The following ADAMDEC1 variants were observed in gnomAD, a reference collection of about 807,000 sequenced individuals.
ADAMDEC1 encodes ADAM DEC1.
A neutral mutation model predicts 60.4 loss-of-function variants in ADAMDEC1; 62 were observed. That is an observed-to-expected ratio of 1.03 (90% CI 0.84 to 1.27). The LOEUF (loss-of-function observed/expected upper bound fraction) is 1.27. Ranked by LOEUF, ADAMDEC1 falls within the 50% of genes most tolerant of loss-of-function variation. ADAMDEC1 has a pLI of 0.00. For synonymous variants in ADAMDEC1, 210 were observed against 195.1 expected (o/e 1.08, Z -0.64); for missense variants, 595 against 565.0 (o/e 1.05, Z -0.54).
At chr8:24,396,262 G>A (rs1817607576) in intron 5 of ADAMDEC1, among the ~76,000 whole-genome samples, 1 of 152,212 alleles carries the variant, frequency 6.6e-6, no homozygotes, top group African/African-American at 2.4e-5. Flanking sequence ...TGTAATCCCA[G>A]CACTTTGGGA....
At position 24,393,271 on chromosome 8, in the gene ADAMDEC1, G is replaced by A. The variant is rs760760973; in HGVS notation, c.217G>A (p.Glu73Lys). ...TEKHGKEERY[E>K]PEVQYQMILN... ...AATTAAATGTTTTCAGGAAAGGTAT[G>A]AACCTGAAGTTCAATATCAGATGAT... The change falls in exon 3 of 14, where the codon GAA (glutamate) becomes AAA (lysine). Residue 73 changes from glutamate (E) to lysine (K), a missense_variant. Physicochemically the swap from Glu to Lys is moderately conservative, Grantham distance 56. Coordinates refer to ENST00000256412, the MANE Select transcript of ADAMDEC1 (RefSeq NM_014479.3). 3.1e-6 allele frequency: 5 copies of A among 1,593,550 alleles called. No homozygotes were observed. Among genetic ancestry groups the A allele is most frequent in the Non-Finnish European group, 1.7e-6 (2 of 1,167,868 alleles).
intron 11 of ADAMDEC1, 101 bp from the exon 12 acceptor site, chr8:24,401,814 T>C (rs1817772412): frequency 2.8e-6 from 3 of 1,053,506 alleles, no homozygotes; most frequent in Non-Finnish European, 4.1e-6. Context: ...GTAATACAGT[T>C]AGATAAATCA....
intron 1 of ADAMDEC1, among the ~76,000 whole-genome samples, chr8:24,389,612 C>T (rs576039746): frequency 5.9e-5 from 9 of 152,172 alleles, no homozygotes; most frequent in South Asian, 2.1e-4. Context: ...CAGTGGCCCC[C>T]ATTTCACACA....
At chr8:24,391,571 C>CAAG (rs140090049) in intron 1 of ADAMDEC1, among the ~76,000 whole-genome samples, 3,546 of 152,186 alleles carry the variant, frequency 0.023, 130 homozygotes, top group African/African-American at 0.082. Flanking sequence ...TCAAGTACAT[C>CAAG]AAGAACATTG....
At chr8:24,389,989 C>G in intron 1 of ADAMDEC1, 1 of 317,202 alleles carries the variant, frequency 3.2e-6, no homozygotes, top group Non-Finnish European at 6.4e-6. Context: ...TACTTATCAT[C>G]TTCCAACCTG....
rs1585804173 is a variant in ADAMDEC1 at position 24,390,926 on chromosome 8, T to C, written c.89-1336T>C. ...AAGTGAGGTAGGAAAACAGATATTT[T>C]GAGGGCTCTTCCAAAATTGCATGAT... On this transcript the variant is annotated intron_variant, in intron 1 of 13. Coordinates refer to ENST00000256412, the MANE Select transcript of ADAMDEC1 (RefSeq NM_014479.3). 1.3e-5 allele frequency among the ~76,000 whole-genome samples: 2 copies of C among 152,286 alleles called. 1 individual carries two copies. Among genetic ancestry groups the C allele is most frequent in the East Asian group, 3.9e-4 (2 of 5,180 alleles).
At chr8:24,386,821 C>T (rs773972284) in intron 1 of ADAMDEC1, among the ~76,000 whole-genome samples, 4 of 152,200 alleles carry the variant, frequency 2.6e-5, no homozygotes, top group Non-Finnish European at 4.4e-5. Flanking sequence ...CAGACCCTGG[C>T]TGACCGATGA....
At chr8:24,399,280 CTAGTGAAT>C in intron 9 of ADAMDEC1, 105 bp from the exon 10 acceptor site, 16 of 1,186,708 alleles carry the variant, frequency 1.3e-5, no homozygotes, top group Non-Finnish European at 2.0e-5. Flanking sequence ...TTTTTGGGGC[CTAGTGAAT>C]ATAAAAAGGC....
At chr8:24,388,017 A>G (rs1817339107) in intron 1 of ADAMDEC1, 1 of 152,348 alleles carries the variant, frequency 6.6e-6, no homozygotes, top group South Asian at 2.1e-4. Context: ...ACTGTAGGTA[A>G]TTAACATTTA....
intron 11 of ADAMDEC1, among the ~76,000 whole-genome samples, chr8:24,401,459 T>C (rs997086677): frequency 4.6e-5 from 7 of 152,088 alleles, no homozygotes; most frequent in African/African-American, 1.4e-4. Flanking sequence ...GAAAAATAAA[T>C]AAAACATACT....
chr8:24,391,107 G>A (rs78663388), intron 1 of ADAMDEC1, among the ~76,000 whole-genome samples: 3,560 of 152,116 alleles, frequency 0.023, 138 homozygotes, highest in African/African-American at 0.082. Flanking sequence ...TCCTTCTCAG[G>A]ACAGCATTAC....
At chr8:24,397,856 C>T (rs988721606) in intron 7 of ADAMDEC1, 111 bp downstream of exon 7, 4 of 995,278 alleles carry the variant, frequency 4.0e-6, no homozygotes, top group Non-Finnish European at 6.0e-6. Context: ...CATTTGTCCA[C>T]CTGGGTGTCT....
rs200807948 is a variant in ADAMDEC1 at position 24,393,366 on chromosome 8, C to G, written c.284+28C>G. On this transcript the variant is annotated intron_variant, in intron 3 of 13. Coordinates refer to ENST00000256412, the MANE Select transcript of ADAMDEC1 (RefSeq NM_014479.3). ...AAGTTGTACCTCCTAAAAGTCTAATCACTGGATTAGGTTATGAAATTGGGG... is the reference window on the plus strand; with the variant it reads ...AAGTTGTACCTCCTAAAAGTCTAATGACTGGATTAGGTTATGAAATTGGGG... The G allele has an allele frequency of 1.3e-5, 19 of 1,463,416 alleles. No individual in the cohort carries two copies. The African/African-American group carries it at 1.8e-4, about 14-fold the overall frequency. 90.7% of individuals were successfully genotyped at this position (1,463,416 alleles called of 1,614,324 possible). A position where few individuals can be genotyped will look rare whatever the true frequency, so the allele number is the denominator to read the frequency against.
chr8:24,397,587 T>A (rs975560455), intron 6 of ADAMDEC1, 96 bp from the exon 7 acceptor site: 42 of 1,457,050 alleles, frequency 2.9e-5, no homozygotes, highest in Non-Finnish European at 3.8e-5. Context: ...ATTTTTCTAT[T>A]TATCTTCTAT....
In ADAMDEC1 at chr8:24,392,400, G is replaced by C; in HGVS notation, c.207+20G>C. On this transcript the variant is annotated intron_variant, in intron 2 of 13. Transcript: ENST00000256412. Reference sequence around the variant, plus strand: ...AAAGAGGTAAGCAAGGTGAATGACCGTGGTAGATGTTACAATCATCCAAAG... The same window carrying C: ...AAAGAGGTAAGCAAGGTGAATGACCCTGGTAGATGTTACAATCATCCAAAG... 1 of 1,529,640 alleles carries C rather than the reference G, an allele frequency of 6.5e-7. No individual in the cohort carries two copies. Among genetic ancestry groups the C allele is most frequent in the Non-Finnish European group, 9.0e-7 (1 of 1,112,636 alleles). The allele number at this position is 1,529,640 out of a possible 1,614,324, so 94.8% of individuals were successfully genotyped here. A position where few individuals can be genotyped will look rare whatever the true frequency, so the allele number is the denominator to read the frequency against.
chr8:24,402,638 A>G (rs1411643242), intron 12 of ADAMDEC1, among the ~76,000 whole-genome samples: 2 of 152,148 alleles, frequency 1.3e-5, no homozygotes, highest in African/African-American at 4.8e-5. Context: ...TATGTACTCT[A>G]AAGAATGCTG....
At chr8:24,390,574 G>T (rs1489839219) in intron 1 of ADAMDEC1, among the ~76,000 whole-genome samples, 2 of 152,048 alleles carry the variant, frequency 1.3e-5, no homozygotes, top group African/African-American at 4.8e-5. Flanking sequence ...ACAAAAATTA[G>T]CCAGGTGTGG....
chr8:24,404,159 A>G, intron 13 of ADAMDEC1, 71 bp downstream of exon 13: 1 of 1,373,680 alleles, frequency 7.3e-7, no homozygotes, highest in Non-Finnish European at 1.0e-6. Context: ...AAAATATGCC[A>G]CTGGGTTCCA....
chr8:24,391,050 T>C (rs532620797), intron 1 of ADAMDEC1, among the ~76,000 whole-genome samples: 1 of 152,306 alleles, frequency 6.6e-6, no homozygotes, highest in African/African-American at 2.4e-5. Context: ...TAATAAAAGA[T>C]CATTTACTCA....
Sources: allele counts gnomAD v4.1 joint callset (sites outside exome capture counted in the v4.1 genomes callset), GRCh38; gene constraint gnomAD v4.1.1; transcripts MANE v1.5; gene names NCBI Gene and HGNC (gene_info 2026-07-23, HGNC 2026-07-21).